Variants in CEP128 observed in about 807,000 individuals in gnomAD.
CEP128 encodes the protein centrosomal protein 128.
Under a neutral mutation model 156.7 loss-of-function variants are expected in CEP128, and 132 were observed. The ratio of observed to expected loss-of-function variants is 0.84; its 90% CI spans 0.73 to 0.97. The LOEUF is 0.97. Ranked by LOEUF, CEP128 falls within the 50% of genes least tolerant of loss-of-function variation. CEP128 has a pLI of 0.00. For missense variants in CEP128, 1,252 were observed against 1,281.9 expected, an observed-to-expected ratio of 0.98 and a Z score of 0.36; for synonymous variants, 469 against 448.9, an observed-to-expected ratio of 1.04 and a Z score of -0.57.
chr14:80,610,850 A>T (rs191576160), intron 19 of CEP128, among the ~76,000 whole-genome samples: 2 of 152,162 alleles, frequency 1.3e-5, no homozygotes, highest in South Asian at 2.1e-4. Flanking sequence ...CATAGTTATT[A>T]AAAAAGAACG....
intron 16 of CEP128, among the ~76,000 whole-genome samples, chr14:80,774,573 G>A (rs1900686148): frequency 6.6e-6 from 1 of 151,996 alleles, no homozygotes. Flanking sequence ...TTATACATGT[G>A]TGTATGTGTA....
At chr14:80,601,526 A>G (rs1396884777) in intron 19 of CEP128, among the ~76,000 whole-genome samples, 1 of 152,206 alleles carries the variant, frequency 6.6e-6, no homozygotes, top group Non-Finnish European at 1.5e-5. Flanking sequence ...CCTGGGCCAC[A>G]GGTTGGACAA....
intron 19 of CEP128, among the ~76,000 whole-genome samples, chr14:80,632,863 C>T (rs935975761): frequency 3.3e-5 from 5 of 152,072 alleles, no homozygotes; most frequent in African/African-American, 1.2e-4. Flanking sequence ...CATTCATGCA[C>T]CAGTTTATAA....
chr14:80,578,010 T>A (rs1238439522), intron 20 of CEP128, among the ~76,000 whole-genome samples: 2 of 152,170 alleles, frequency 1.3e-5, no homozygotes, highest in Non-Finnish European at 2.9e-5. Context: ...CCACTCCAGT[T>A]TAACCTACCT....
chr14:80,567,288 T>C (rs1890954194), intron 20 of CEP128, among the ~76,000 whole-genome samples: 1 of 152,126 alleles, frequency 6.6e-6, no homozygotes, highest in Non-Finnish European at 1.5e-5. Flanking sequence ...GTTGTATTTA[T>C]ATTGAAGTGG....
intron 24 of CEP128, among the ~76,000 whole-genome samples, chr14:80,503,482 T>C (rs1313747482): frequency 6.6e-6 from 1 of 152,152 alleles, no homozygotes; most frequent in African/African-American, 2.4e-5. Context: ...CACTTCCCTC[T>C]AGGTGCATTT....
rs530998545 is a variant in CEP128, at chr14:80,880,619, G to T, written c.645+15099C>A. Among the ~76,000 whole-genome samples the T allele has an allele frequency of 6.6e-4, 100 of 151,884 alleles. 1 individual carries two copies. The highest frequency in any genetic ancestry group is 2.3e-3 in the African/African-American group (94 of 41,444). ...TTAAAAATAATAAGGTTCATTGGGA[G>T]GCCAAGGTGGGCGGATCACGAGGTC... On this transcript the variant is annotated intron_variant, in intron 8 of 24. Transcript: ENST00000555265.
At chr14:80,619,550 A>T (rs1334378700) in intron 19 of CEP128, among the ~76,000 whole-genome samples, 1 of 151,440 alleles carries the variant, frequency 6.6e-6, no homozygotes, top group South Asian at 2.1e-4. Flanking sequence ...AAATACAAAA[A>T]AATTAGCCAG....
At chr14:80,909,008 G>C (rs943398567) in intron 4 of CEP128, among the ~76,000 whole-genome samples, 70 of 152,094 alleles carry the variant, frequency 4.6e-4, no homozygotes, top group African/African-American at 1.7e-3. Context: ...GGTCTTCCTA[G>C]CCTCTTAAGT....
intron 2 of CEP128, among the ~76,000 whole-genome samples, chr14:80,936,325 T>C (rs1416720550): frequency 6.6e-6 from 1 of 151,986 alleles, no homozygotes; most frequent in East Asian, 1.9e-4. Flanking sequence ...GAGGCTGCAG[T>C]GATCCAAGAT....
At chr14:80,941,112 C>A (rs2162548) in intron 1 of CEP128, among the ~76,000 whole-genome samples, 1 of 151,978 alleles carries the variant, frequency 6.6e-6, no homozygotes, top group South Asian at 2.1e-4. Context: ...TATGATGGCA[C>A]GGGAAAGAGA....
chr14:80,862,810 G>C lies in CEP128; in HGVS notation c.709C>G (p.Leu237Val). The C allele has an allele frequency of 6.2e-7, 1 of 1,613,934 alleles. No individual in the cohort carries two copies. The highest frequency in any genetic ancestry group is 8.5e-7 in the Non-Finnish European group (1 of 1,179,886). The change falls in exon 9 of 25, where the codon CTG becomes GTG. Residue 237 changes from leucine to valine, a missense_variant. Leu to Val is a conservative substitution (Grantham distance 32). Coordinates refer to ENST00000555265, the MANE Select transcript of CEP128 (RefSeq NM_152446.5). ...LEREMRTERE[L>V]VERRQDQLGL... Reference sequence around the variant, plus strand: ...AGTTGATCCTGGCGTCTTTCCACCAGCTCCCTTTCTGTGCGCATCTCTCTC... The same window carrying C: ...AGTTGATCCTGGCGTCTTTCCACCACCTCCCTTTCTGTGCGCATCTCTCTC...
rs745906537 is a variant in CEP128 at position 80,862,827 on chromosome 14, A to ATC, written c.690_691dup (p.Met231ArgfsTer27). The ATC allele has an allele frequency of 3.1e-6, 5 of 1,614,022 alleles. No homozygotes were observed. The highest frequency in any genetic ancestry group is 3.4e-6 in the Non-Finnish European group (4 of 1,179,956). On this transcript the variant is annotated frameshift_variant, in exon 9 of 25. Coordinates refer to ENST00000555265, the MANE Select transcript of CEP128 (RefSeq NM_152446.5). LOFTEE classifies it high-confidence loss of function. The stretch of plus-strand genomic sequence containing the variant: ...TTCCACCAGCTCCCTTTCTGTGCGC[A>ATC]TCTCTCTCTCCAGTTCCTGAAGCCG...
intron 20 of CEP128, among the ~76,000 whole-genome samples, chr14:80,571,994 T>C (rs1477407677): frequency 2.0e-5 from 3 of 152,354 alleles, no homozygotes; most frequent in African/African-American, 4.8e-5. Context: ...ATAATTTACA[T>C]AGATTTAGCA....
At chr14:80,536,080 C>G (rs1566764400) in intron 21 of CEP128, among the ~76,000 whole-genome samples, 3 of 152,192 alleles carry the variant, frequency 2.0e-5, no homozygotes, top group Non-Finnish European at 2.9e-5. Context: ...GCTGTCTGTA[C>G]TGTTCCACAG....
intron 6 of CEP128, among the ~76,000 whole-genome samples, chr14:80,900,881 G>C (rs1883513143): frequency 6.6e-6 from 1 of 152,174 alleles, no homozygotes; most frequent in Non-Finnish European, 1.5e-5. Context: ...TCAGGACAGT[G>C]GATACCCCTT....
rs368663257 is a variant in CEP128 at position 80,739,997 on chromosome 14, A to G, written c.2806+3078T>C. 2.2e-4 allele frequency among the ~76,000 whole-genome samples: 33 copies of G among 152,314 alleles called. No homozygotes were observed. In the East Asian group the frequency reaches 6.2e-3, roughly 28 times the overall value. ...TTAATAAGTATCCAATAAATTTCAA[A>G]ACAGGGAAAAATAAATAAATTTGGG... On this transcript the variant is annotated intron_variant, in intron 19 of 24. Transcript: ENST00000555265.
At chr14:80,784,763 C>G (rs1006682467) in intron 15 of CEP128, 132 bp downstream of exon 15, 27 of 817,546 alleles carry the variant, frequency 3.3e-5, no homozygotes, top group Non-Finnish European at 5.0e-5. Flanking sequence ...GAATAAGCCT[C>G]TTTATTGTTG....
At chr14:80,566,562 G>A (rs530662744) in intron 20 of CEP128, among the ~76,000 whole-genome samples, 3 of 152,206 alleles carry the variant, frequency 2.0e-5, no homozygotes, top group Admixed American at 2.0e-4. Context: ...ATCAAAAAAA[G>A]CTTTAAAATG....
Sources: gnomAD v4.1 joint callset for allele counts (sites outside exome capture counted in the v4.1 genomes callset) on GRCh38, gnomAD v4.1.1 for gene constraint, MANE v1.5 for transcripts, NCBI Gene and HGNC (gene_info 2026-07-23, HGNC 2026-07-21) for gene names.